Variants in CFAP251 observed in about 807,000 individuals in gnomAD.
The protein encoded by CFAP251 is cilia- and flagella-associated protein 251.
In CFAP251, 93 loss-of-function variants were observed where a neutral mutation model predicts 126.7. That is an observed-to-expected ratio of 0.73 (90% CI 0.62 to 0.87). The LOEUF (loss-of-function observed/expected upper bound fraction) is 0.87, where lower values mean the gene tolerates loss of function less well. Ranked by LOEUF, CFAP251 falls within the 40% of genes least tolerant of loss-of-function variation. The pLI, the probability that CFAP251 is intolerant of heterozygous loss-of-function variation, is 0.00. For missense variants in CFAP251, 1,287 were observed against 1,389.2 expected, an observed-to-expected ratio of 0.93 and a Z score of 1.17; for synonymous variants, 503 against 506.9, an observed-to-expected ratio of 0.99 and a Z score of 0.10.
At chr12:121,984,117 C>T (rs1394380480) in intron 19 of CFAP251, among the ~76,000 whole-genome samples, 3 of 152,144 alleles carry the variant, frequency 2.0e-5, no homozygotes, top group Non-Finnish European at 4.4e-5. Flanking sequence ...ATCTTTCTTA[C>T]GTCATTACAA....
chr12:121,961,055 C>T (rs558478594), intron 14 of CFAP251, among the ~76,000 whole-genome samples: 6 of 152,188 alleles, frequency 3.9e-5, no homozygotes, highest in East Asian at 1.9e-4. Flanking sequence ...CCAGTGTGCA[C>T]GGGGAGGGCT....
At position 121,993,724 on chromosome 12, in the gene CFAP251, T is replaced by C. The variant is rs1882939600; in HGVS notation, c.3007-5992T>C. ...CCGTCTGAGAAGTGAGGAGACCCTCTGCCTGGCAACCACCCCGTCTGAGAA... is the reference window on the plus strand; with the variant it reads ...CCGTCTGAGAAGTGAGGAGACCCTCCGCCTGGCAACCACCCCGTCTGAGAA... On this transcript the variant is annotated intron_variant, in intron 19 of 21. Transcript: ENST00000288912. Among the ~76,000 whole-genome samples the C allele has an allele frequency of 2.0e-5, 3 of 148,678 alleles. No homozygotes were observed. In the East Asian group the frequency reaches 6.2e-4, roughly 31 times the overall value.
intron 3 of CFAP251, among the ~76,000 whole-genome samples, chr12:121,924,905 C>T (rs1013607399): frequency 7.9e-5 from 12 of 152,112 alleles, no homozygotes; most frequent in African/African-American, 2.2e-4. Flanking sequence ...AACTCCATTC[C>T]GCCCCTTTCC....
intron 7 of CFAP251, among the ~76,000 whole-genome samples, chr12:121,946,022 C>T (rs1051072020): frequency 9.2e-5 from 14 of 152,174 alleles, no homozygotes; most frequent in African/African-American, 3.4e-4. Flanking sequence ...CCTTCAGTAA[C>T]TTCTCATTGT....
At chr12:121,956,933 A>G in intron 10 of CFAP251, 141 bp from the exon 11 acceptor site, 1 of 590,568 alleles carries the variant, frequency 1.7e-6, no homozygotes, top group East Asian at 3.3e-5. Flanking sequence ...TTGGGATAAC[A>G]GTAAAATCAT....
chr12:121,999,997 A>C (rs2135820114), intron 20 of CFAP251, 53 bp downstream of exon 20: 1 of 1,514,872 alleles, frequency 6.6e-7, no homozygotes, highest in East Asian at 2.3e-5. Context: ...TTCCCAGTGT[A>C]GAGAACTGAG....
In CFAP251 at chr12:121,954,305, G is replaced by A. The variant is rs1881636646; in HGVS notation, c.1506G>A (p.Glu502=). 2 of 1,613,894 alleles carry A rather than the reference G, an allele frequency of 1.2e-6. No individual in the cohort carries two copies. The highest frequency in any genetic ancestry group is 1.3e-5 in the African/African-American group (1 of 74,888). Residue 502 remains glutamate, a synonymous_variant, in exon 10 of 22, where the codon GAG becomes GAA. Transcript: ENST00000288912. ...GTAAATTGGTTCATTTGCAGAAAGAGGGTATCACGGTACTTACCACAATTG... is the reference window on the plus strand; with the variant it reads ...GTAAATTGGTTCATTTGCAGAAAGAAGGTATCACGGTACTTACCACAATTG... ...KPCKLVHLQK[E]GITVLTTIDS...
At chr12:121,936,806 G>A (rs780237058) in intron 5 of CFAP251, among the ~76,000 whole-genome samples, 17 of 152,162 alleles carry the variant, frequency 1.1e-4, no homozygotes, top group African/African-American at 2.7e-4. Flanking sequence ...TTGTCCAGCC[G>A]TGCTGGGCAG....
Position 121,925,674 on chromosome 12 carries a change from A to G in CFAP251, c.747+1684A>G, listed in dbSNP as rs1251100173. ...TTAGCCAGCAAACATAAATCAGGCAATGTCTCTAAGAAGGTGTATTCTTTG... is the reference window on the plus strand; with the variant it reads ...TTAGCCAGCAAACATAAATCAGGCAGTGTCTCTAAGAAGGTGTATTCTTTG... On this transcript the variant is annotated intron_variant, in intron 3 of 21. Transcript: ENST00000288912. Among the ~76,000 whole-genome samples the G allele has an allele frequency of 8.8e-5, 4 of 45,644 alleles. No individual in the cohort carries two copies. The East Asian group carries it at 2.2e-3, about 25-fold the overall frequency. The allele number at this position is 45,644 out of a possible 152,430, so 29.9% of individuals were successfully genotyped here. A position where few individuals can be genotyped will look rare whatever the true frequency, so the allele number is the denominator to read the frequency against.
chr12:121,934,514 C>T (rs777822280), intron 5 of CFAP251, among the ~76,000 whole-genome samples, 158 bp downstream of exon 5: 54 of 152,200 alleles, frequency 3.5e-4, no homozygotes, highest in Middle Eastern at 3.2e-3. Context: ...ACCTAGCTCA[C>T]ACAAGCTCAA....
At chr12:121,983,142 C>T (rs997260479) in intron 19 of CFAP251, among the ~76,000 whole-genome samples, 2 of 152,020 alleles carry the variant, frequency 1.3e-5, no homozygotes, top group Non-Finnish European at 1.5e-5. Context: ...TGGGAAGGAT[C>T]GAAGGATCGC....
chr12:121,969,525 G>A (rs1040233974), intron 17 of CFAP251: 17 of 976,508 alleles, frequency 1.7e-5, no homozygotes, highest in Admixed American at 1.2e-4. Context: ...TGGCTCAGTC[G>A]CTCAGGCTGT....
At chr12:121,919,899 C>A (rs1411286768) in intron 1 of CFAP251, among the ~76,000 whole-genome samples, 1 of 152,144 alleles carries the variant, frequency 6.6e-6, no homozygotes, top group Non-Finnish European at 1.5e-5. Context: ...TAAGATTTCC[C>A]AGCTGCGCGT....
intron 7 of CFAP251, among the ~76,000 whole-genome samples, chr12:121,945,313 G>T (rs909585705): frequency 3.3e-5 from 5 of 150,346 alleles, no homozygotes; most frequent in East Asian, 3.9e-4. Flanking sequence ...TGTTTTTTTT[G>T]TTGTTGTTGT....
intron 1 of CFAP251, 137 bp from the exon 2 acceptor site, chr12:121,921,149 A>G: frequency 9.8e-7 from 1 of 1,023,678 alleles, no homozygotes. Context: ...GTGCCTGGTC[A>G]GAAACATGAC....
At chr12:121,961,318 C>T (rs1048732320) in intron 14 of CFAP251, among the ~76,000 whole-genome samples, 4 of 145,660 alleles carry the variant, frequency 2.7e-5, no homozygotes, top group Non-Finnish European at 4.5e-5. Context: ...CTCCCTCCCC[C>T]GCCCCTCCCT....
intron 19 of CFAP251, 96 bp downstream of exon 19, chr12:121,975,781 A>AT: frequency 7.5e-7 from 1 of 1,339,900 alleles, no homozygotes; most frequent in South Asian, 1.5e-5. Context: ...AAAATTGCAC[A>AT]TTTTTCTTGC....
intron 12 of CFAP251, 141 bp from the exon 13 acceptor site, chr12:121,958,802 C>T (rs1375211075): frequency 8.2e-6 from 9 of 1,099,788 alleles, no homozygotes; most frequent in Admixed American, 2.7e-5. Context: ...GGAGATCACG[C>T]GTTTCGGTTC....
chr12:121,972,828 G>A (rs981303275), intron 17 of CFAP251, among the ~76,000 whole-genome samples: 27 of 152,172 alleles, frequency 1.8e-4, no homozygotes, highest in African/African-American at 6.5e-4. Context: ...CATTCGAGAG[G>A]TGACTTGGGT....
Sources: gnomAD v4.1 joint callset for allele counts (sites outside exome capture counted in the v4.1 genomes callset) on GRCh38, gnomAD v4.1.1 for gene constraint, MANE v1.5 for transcripts, NCBI Gene and HGNC (gene_info 2026-07-23, HGNC 2026-07-21) for gene names.